Variants in VWA8 observed in about 807,000 individuals in gnomAD.
VWA8 encodes the protein von Willebrand factor A domain-containing protein 8.
In VWA8, 221 loss-of-function variants were observed where a neutral mutation model predicts 241.5. That is an observed-to-expected ratio of 0.91 (90% CI 0.82 to 1.02). The LOEUF (loss-of-function observed/expected upper bound fraction) is 1.02, where lower values mean the gene tolerates loss of function less well. Ranked by LOEUF, VWA8 falls within the 50% of genes least tolerant of loss-of-function variation. The pLI, the probability that VWA8 is intolerant of heterozygous loss-of-function variation, is 0.00. For synonymous variants in VWA8, 852 were observed against 827.1 expected (o/e 1.03, Z -0.52); for missense variants, 2,322 against 2,328.7 (o/e 1.00, Z 0.06).
At chr13:41,679,789 G>A (rs1464779201) in intron 35 of VWA8, among the ~76,000 whole-genome samples, 2 of 152,068 alleles carry the variant, frequency 1.3e-5, no homozygotes, top group Non-Finnish European at 1.5e-5. Context: ...AGATCTACAT[G>A]CACATAGAAT....
intron 1 of VWA8, among the ~76,000 whole-genome samples, chr13:41,952,476 G>C (rs1162557175): frequency 1.3e-5 from 2 of 152,200 alleles, no homozygotes; most frequent in African/African-American, 4.8e-5. Context: ...TTTTATTACA[G>C]AGTAGTTTCA....
Position 41,649,038 on chromosome 13 carries a change from G to C in VWA8, c.4611+21908C>G, listed in dbSNP as rs534392375. On this transcript the variant is annotated intron_variant, in intron 37 of 44. Transcript: ENST00000379310. ...GTCTCTACTAAAAATCCAAAAAGTA[G>C]CTGGGCGTGGTGGGGGGGTGCCTGT... Among the ~76,000 whole-genome samples, 186 of 151,646 alleles carry C rather than the reference G, an allele frequency of 1.2e-3. 1 individual carries two copies. The highest frequency in any genetic ancestry group is 4.3e-3 in the African/African-American group (176 of 41,162).
At chr13:41,684,999 T>G in intron 35 of VWA8, 48 bp downstream of exon 35, 14 of 1,505,860 alleles carry the variant, frequency 9.3e-6, no homozygotes, top group Non-Finnish European at 1.3e-5. Flanking sequence ...AAAAGGAAGC[T>G]ACTTTAAACC....
At chr13:41,593,959 T>C (rs17062423) in intron 40 of VWA8, among the ~76,000 whole-genome samples, 370 of 152,284 alleles carry the variant, frequency 2.4e-3, no homozygotes, top group African/African-American at 8.3e-3. Context: ...ACTGTCATCA[T>C]GAAGCATTGA....
intron 34 of VWA8, among the ~76,000 whole-genome samples, chr13:41,686,103 A>C (rs1425152637): frequency 6.6e-6 from 1 of 152,210 alleles, no homozygotes; most frequent in Admixed American, 6.6e-5. Context: ...CAACAGTATC[A>C]TAAAACACAG....
chr13:41,726,926 CG>C (rs972689436), intron 24 of VWA8, among the ~76,000 whole-genome samples: 2 of 151,908 alleles, frequency 1.3e-5, no homozygotes, highest in African/African-American at 4.8e-5. Flanking sequence ...ACCCGGGTGG[CG>C]GAAGTTGTAG....
intron 21 of VWA8, among the ~76,000 whole-genome samples, chr13:41,750,990 A>C (rs1593744409): frequency 6.6e-6 from 1 of 152,270 alleles, no homozygotes; most frequent in East Asian, 1.9e-4. Flanking sequence ...AAATTGTTTA[A>C]CCTCTCTGTG....
rs776283138 is a variant in VWA8 at position 41,721,472 on chromosome 13, CT to C, written c.2861del (p.Lys954SerfsTer9). 160 of 1,613,810 alleles carry C rather than the reference CT, an allele frequency of 9.9e-5. No homozygotes were observed. The highest frequency in any genetic ancestry group is 1.3e-4 in the Non-Finnish European group (150 of 1,179,886). Reference sequence around the variant, plus strand: ...TCAGCTCTCCAAAGGCAGCCACAAGCTTCTGAAGGATGGGCTCAGGCACATT... The same window carrying C: ...TCAGCTCTCCAAAGGCAGCCACAAGCTCTGAAGGATGGGCTCAGGCACATT... ...GPNVPEPILQ[K>X]LVAAFGELRS... is the part of the protein sequence containing the mutation. On this transcript the variant is annotated frameshift_variant, in exon 25 of 45. Coordinates refer to ENST00000379310, the MANE Select transcript of VWA8 (RefSeq NM_015058.2). LOFTEE classifies it high-confidence loss of function.
At chr13:41,575,497 C>T (rs1345882830) in intron 43 of VWA8, among the ~76,000 whole-genome samples, 2 of 152,046 alleles carry the variant, frequency 1.3e-5, no homozygotes, top group African/African-American at 4.8e-5. Context: ...CAAGGGGGCC[C>T]AGGTTGTAGA....
At chr13:41,802,569 C>T (rs1870008773) in intron 17 of VWA8, among the ~76,000 whole-genome samples, 1 of 152,236 alleles carries the variant, frequency 6.6e-6, no homozygotes, top group Admixed American at 6.5e-5. Context: ...CAGCTTGCAG[C>T]TCTGGCAGAG....
intron 37 of VWA8, among the ~76,000 whole-genome samples, chr13:41,617,321 G>C (rs980536194): frequency 6.6e-6 from 1 of 152,016 alleles, no homozygotes; most frequent in Non-Finnish European, 1.5e-5. Context: ...GTTTCACCAT[G>C]TTGGCCAGGC....
intron 21 of VWA8, among the ~76,000 whole-genome samples, chr13:41,756,066 C>T (rs2045692926): frequency 6.6e-6 from 1 of 151,564 alleles, no homozygotes; most frequent in South Asian, 2.1e-4. Context: ...TATTAATAAA[C>T]CCCTGACAAA....
At chr13:41,648,204 T>C (rs371447580) in intron 37 of VWA8, among the ~76,000 whole-genome samples, 2 of 152,136 alleles carry the variant, frequency 1.3e-5, no homozygotes, top group South Asian at 2.1e-4. Context: ...TCACTGGTAA[T>C]AATGATGATA....
intron 17 of VWA8, among the ~76,000 whole-genome samples, chr13:41,802,470 T>C (rs192457500): frequency 1.6e-4 from 25 of 152,304 alleles, no homozygotes; most frequent in Non-Finnish European, 3.1e-4. Flanking sequence ...GCTGAGTCGG[T>C]AGAGTTGGAG....
intron 12 of VWA8, among the ~76,000 whole-genome samples, chr13:41,846,249 T>C (rs1455807952): frequency 6.6e-6 from 1 of 152,186 alleles, no homozygotes; most frequent in Non-Finnish European, 1.5e-5. Context: ...GAAATCAAGA[T>C]TGGTGTAATT....
At chr13:41,608,520 G>A (rs2044567171) in intron 39 of VWA8, among the ~76,000 whole-genome samples, 1 of 152,072 alleles carries the variant, frequency 6.6e-6, no homozygotes, top group Non-Finnish European at 1.5e-5. Flanking sequence ...ATTTTTAAAG[G>A]TTATATTTAT....
At chr13:41,932,630 A>G (rs1877176508) in intron 2 of VWA8, among the ~76,000 whole-genome samples, 1 of 151,974 alleles carries the variant, frequency 6.6e-6, no homozygotes, top group Non-Finnish European at 1.5e-5. Flanking sequence ...TATCCCAGGA[A>G]TGAGAAGTTG....
chr13:41,569,153 C>T (rs1337772235), intron 44 of VWA8, among the ~76,000 whole-genome samples: 4 of 151,756 alleles, frequency 2.6e-5, no homozygotes, highest in African/African-American at 7.3e-5. Flanking sequence ...ATTTGGCATG[C>T]CTGGTAAGCC....
At chr13:41,897,542 A>G (rs1380358927) in intron 4 of VWA8, among the ~76,000 whole-genome samples, 1 of 152,232 alleles carries the variant, frequency 6.6e-6, no homozygotes, top group African/African-American at 2.4e-5. Context: ...CCAGCAATAT[A>G]TGGACTGAAT....
Sources: gnomAD v4.1 joint callset for allele counts (sites outside exome capture counted in the v4.1 genomes callset) on GRCh38, gnomAD v4.1.1 for gene constraint, MANE v1.5 for transcripts, NCBI Gene and HGNC (gene_info 2026-07-23, HGNC 2026-07-21) for gene names.